Variants in GARNL3 observed in about 807,000 individuals in gnomAD.
GARNL3 encodes GTPase-activating Rap/Ran-GAP domain-like protein 3.
GARNL3 carries 63 observed loss-of-function variants against 125.0 expected under a neutral mutation model. The observed-to-expected ratio is 0.50, with a 90% confidence interval of 0.41 to 0.62. The LOEUF (loss-of-function observed/expected upper bound fraction) is 0.62. Among genes scored for constraint, GARNL3 ranks in the 20% least tolerant of loss-of-function variants. GARNL3 has a pLI of 0.00. For synonymous variants in GARNL3, 439 were observed against 457.5 expected (o/e 0.96, Z 0.52); for missense variants, 994 against 1,244.0 (o/e 0.80, Z 3.02).
chr9:127,231,019 C>CATATATATATGTATATATATACATAT (rs1295847421), intron 1 of GARNL3, among the ~76,000 whole-genome samples: 11 of 94,684 alleles, frequency 1.2e-4, no homozygotes, highest in African/African-American at 4.4e-4. Flanking sequence ...TGTATATATA[C>CATATATATATGTATATATATACATAT]ATATATGTAT....
chr9:127,365,759 G>A (rs1588943043), intron 22 of GARNL3, among the ~76,000 whole-genome samples: 1 of 152,204 alleles, frequency 6.6e-6, no homozygotes, highest in Non-Finnish European at 1.5e-5. Flanking sequence ...GAGGCCTAGA[G>A]AGGTGAACTC....
At chr9:127,285,206 C>A (rs975077612) in intron 1 of GARNL3, among the ~76,000 whole-genome samples, 2 of 152,090 alleles carry the variant, frequency 1.3e-5, no homozygotes, top group Non-Finnish European at 2.9e-5. Flanking sequence ...CCGAGGTGGG[C>A]GGATCACCTG....
upstream of GARNL3, chr9:127,264,049 T>C (rs2063649321): frequency 4.4e-6 from 5 of 1,142,502 alleles, no homozygotes; most frequent in Admixed American, 4.1e-5. Context: ...GTTTTGAATA[T>C]AGTAAACATG....
intron 2 of GARNL3, among the ~76,000 whole-genome samples, chr9:127,311,002 G>A (rs528539999): frequency 5.9e-5 from 9 of 151,998 alleles, no homozygotes; most frequent in Non-Finnish European, 8.8e-5. Flanking sequence ...GAATAAGTAA[G>A]TATGCAAACG....
At chr9:127,349,628 C>T (rs188672411) in intron 17 of GARNL3, among the ~76,000 whole-genome samples, 15 of 152,262 alleles carry the variant, frequency 9.9e-5, no homozygotes, top group East Asian at 1.9e-4. Flanking sequence ...CAGCCACCGT[C>T]GCCCAGAGAG....
At chr9:127,235,812 T>C (rs138986248) in intron 1 of GARNL3, among the ~76,000 whole-genome samples, 113 of 152,340 alleles carry the variant, frequency 7.4e-4, no homozygotes, top group African/African-American at 2.6e-3. Context: ...AAAATCTCAC[T>C]GGACTGGCTT....
chr9:127,350,478 G>A (rs1260311061), intron 17 of GARNL3, among the ~76,000 whole-genome samples: 1 of 152,040 alleles, frequency 6.6e-6, no homozygotes, highest in Non-Finnish European at 1.5e-5. Context: ...AACTTGCTAA[G>A]AGGTAATAAA....
At chr9:127,391,372 C>T (rs1419828217) in intron 27 of GARNL3, among the ~76,000 whole-genome samples, 2 of 143,868 alleles carry the variant, frequency 1.4e-5, no homozygotes, top group Admixed American at 7.0e-5. Flanking sequence ...TTTTTCCTCA[C>T]CAGATTGACA....
chr9:127,300,820 A>G, intron 2 of GARNL3: 3 of 376,954 alleles, frequency 8.0e-6, no homozygotes, highest in Non-Finnish European at 1.5e-5. Flanking sequence ...TCTAACCATT[A>G]TCTACATTTA....
chr9:127,382,915 C>T (rs1239013319), intron 22 of GARNL3, among the ~76,000 whole-genome samples: 1 of 152,188 alleles, frequency 6.6e-6, no homozygotes, highest in African/African-American at 2.4e-5. Flanking sequence ...GTGTGATCCA[C>T]CTTGCAGGAG....
chr9:127,250,328 C>G (rs1211899206), intron 2 of GARNL3, among the ~76,000 whole-genome samples: 1 of 152,104 alleles, frequency 6.6e-6, no homozygotes, highest in African/African-American at 2.4e-5. Flanking sequence ...TAATAAAATA[C>G]AAATACATAG....
intron 22 of GARNL3, among the ~76,000 whole-genome samples, chr9:127,375,580 A>T (rs1260478234): frequency 1.3e-5 from 2 of 152,200 alleles, no homozygotes; most frequent in East Asian, 3.8e-4. Context: ...ACTGAAAACA[A>T]CACAAATGTC....
At position 127,353,889 on chromosome 9, in the gene GARNL3, G is replaced by A; in HGVS notation, c.1587G>A (p.Val529=). The change falls in exon 18 of 28, where the codon GTG becomes GTA. Residue 529 remains valine, a synonymous_variant. Coordinates refer to ENST00000373387, the MANE Select transcript of GARNL3 (RefSeq NM_032293.5). The part of the protein sequence containing the change: ...SVPVFDRTLP[V]KQMHVLETLD... Reference sequence around the variant, plus strand: ...CCGTGTTTGACAGAACTCTGCCAGTGAAGCAAATGCATGTGCTTGAGACCC... The same window carrying A: ...CCGTGTTTGACAGAACTCTGCCAGTAAAGCAAATGCATGTGCTTGAGACCC... The A allele has an allele frequency of 6.2e-7, 1 of 1,613,990 alleles. No individual in the cohort carries two copies. Among genetic ancestry groups the A allele is most frequent in the Non-Finnish European group, 8.5e-7 (1 of 1,179,872 alleles).
At chr9:127,329,858 C>CTA (rs1829122523) in intron 7 of GARNL3, among the ~76,000 whole-genome samples, 2 of 152,244 alleles carry the variant, frequency 1.3e-5, no homozygotes, top group South Asian at 4.1e-4. Context: ...ACTCAGTGGA[C>CTA]TATAGGGTCC....
chr9:127,259,605 T>C (rs2131241057), upstream of GARNL3, among the ~76,000 whole-genome samples: 2 of 152,350 alleles, frequency 1.3e-5, no homozygotes, highest in Non-Finnish European at 2.9e-5. Context: ...GGAAGCCTGC[T>C]GCTTGGCCCT....
intron 25 of GARNL3, 55 bp from the exon 26 acceptor site, chr9:127,388,849 A>T: frequency 9.5e-7 from 1 of 1,047,328 alleles, no homozygotes; most frequent in Non-Finnish European, 1.5e-6. Flanking sequence ...ACTCTCTTGT[A>T]AATAATGTGC....
rs1412702833 is a variant in GARNL3 at position 127,384,340 on chromosome 9, GC to G, written c.2270-686del. 6.6e-6 allele frequency among the ~76,000 whole-genome samples: 1 copy of G among 152,166 alleles called. No homozygotes were observed. Among genetic ancestry groups the G allele is most frequent in the African/African-American group, 2.4e-5 (1 of 41,426 alleles). ...AGATGCGCTCATCCATGGAAAGAGT[GC>G]AGAGAGAGCCAGTGCGAAGAAGGGG... On this transcript the variant is annotated intron_variant, in intron 23 of 27. Transcript: ENST00000373387. This position sits in a 1 kb window ranked among gnomAD's most constrained non-coding sequence, Gnocchi z 4.0.
At chr9:127,317,229 G>A (rs540882532) in intron 4 of GARNL3, among the ~76,000 whole-genome samples, 2 of 152,264 alleles carry the variant, frequency 1.3e-5, no homozygotes, top group South Asian at 2.1e-4. Context: ...GTCACAGTTG[G>A]TACTCATTTA....
At chr9:127,373,117 T>C (rs1193608412) in intron 22 of GARNL3, among the ~76,000 whole-genome samples, 1 of 152,204 alleles carries the variant, frequency 6.6e-6, no homozygotes, top group Non-Finnish European at 1.5e-5. Context: ...AATGTACTTC[T>C]TGTTGGGAAG....
Sources: gnomAD v4.1 joint callset for allele counts (sites outside exome capture counted in the v4.1 genomes callset) on GRCh38, gnomAD v4.1.1 for gene constraint, Gnocchi (gnomAD v3.1) non-coding constraint, MANE v1.5 for transcripts, NCBI Gene and HGNC (gene_info 2026-07-23, HGNC 2026-07-21) for gene names.